Variants in AXIN2 observed in about 807,000 individuals in gnomAD.
AXIN2 encodes the protein axin-2.
AXIN2 carries 21 observed loss-of-function variants against 74.7 expected under a neutral mutation model. That is an observed-to-expected ratio of 0.28 (90% CI 0.20 to 0.40). The LOEUF is 0.40. AXIN2 is among the 10% of genes least tolerant of loss of function. The probability of loss-of-function intolerance (pLI) is 1.00; values close to 1 mark genes in which losing one functional copy is unlikely to be tolerated. For synonymous variants in AXIN2, 532 were observed against 454.9 expected, an observed-to-expected ratio of 1.17 and a Z score of -2.16; for missense variants, 1,144 against 1,111.1, an observed-to-expected ratio of 1.03 and a Z score of -0.42.
At chr17:65,547,425 G>A (rs865948636) in intron 3 of AXIN2, among the ~76,000 whole-genome samples, 4 of 152,208 alleles carry the variant, frequency 2.6e-5, no homozygotes, top group Admixed American at 6.5e-5. Flanking sequence ...GTGCATGGCT[G>A]TGGAAGCACC....
chr17:65,557,774 C>T, intron 2 of AXIN2, 32 bp downstream of exon 2: 1 of 1,607,214 alleles, frequency 6.2e-7, no homozygotes, highest in Non-Finnish European at 8.5e-7. Context: ...AAGTCCACAG[C>T]ATCAGCCCAC....
chr17:65,558,057 C>G lies in AXIN2; in HGVS notation c.564G>C (p.Gln188His), dbSNP rs753137017. Residue 188 changes from glutamine to histidine, a missense_variant, in exon 2 of 11, where the codon CAG becomes CAC. Coordinates refer to ENST00000307078, the MANE Select transcript of AXIN2 (RefSeq NM_004655.4). Reference sequence around the variant, plus strand: ...GGTATATATCAGAAGTCAAAAACATCTGGTAGGCATTTTCCTCCATCACCG... The same window carrying G: ...GGTATATATCAGAAGTCAAAAACATGTGGTAGGCATTTTCCTCCATCACCG... The part of the protein sequence containing the change: ...IQSVMEENAY[Q>H]MFLTSDIYLE... The G allele has an allele frequency of 4.3e-6, 7 of 1,614,026 alleles. No individual in the cohort carries two copies. Among genetic ancestry groups the G allele is most frequent in the Admixed American group, 3.3e-5 (2 of 60,006 alleles).
Position 65,529,840 on chromosome 17 carries a change from G to A in AXIN2, c.*136C>T. ...CCCCCCGCCCTCCCGAAGGCCCACTGGCCGATTCTTCCTTAGACTTTGTCT... is the reference window on the plus strand; with the variant it reads ...CCCCCCGCCCTCCCGAAGGCCCACTAGCCGATTCTTCCTTAGACTTTGTCT... On this transcript the variant is annotated 3_prime_UTR_variant, in exon 11 of 11. Transcript: ENST00000307078. 6.7e-7 allele frequency: 1 copy of A among 1,490,312 alleles called. No individual in the cohort carries two copies. Among genetic ancestry groups the A allele is most frequent in the Non-Finnish European group, 9.2e-7 (1 of 1,088,968 alleles). The allele number at this position is 1,490,312 out of a possible 1,614,324, so 92.3% of individuals were successfully genotyped here. A position where few individuals can be genotyped will look rare whatever the true frequency, so the allele number is the denominator to read the frequency against.
In AXIN2 at chr17:65,538,159, T is replaced by C. The variant is rs1223763766; in HGVS notation, c.1200+44A>G. The C allele has an allele frequency of 1.9e-6, 3 of 1,613,640 alleles. No homozygotes were observed. The East Asian group carries it at 6.7e-5, about 36-fold the overall frequency. On this transcript the variant is annotated intron_variant, in intron 5 of 10. Transcript: ENST00000307078. The stretch of plus-strand genomic sequence containing the variant: ...CACATGCGCATACACATACGAGCGC[T>C]CACGCCGTGGACGGAAGCAGGAAGA...
intron 9 of AXIN2, 130 bp from the exon 10 acceptor site, chr17:65,534,209 A>G: frequency 8.5e-7 from 1 of 1,171,272 alleles, no homozygotes; most frequent in Non-Finnish European, 1.3e-6. Context: ...TGTAAACCCA[A>G]AGTGGGGGCT....
chr17:65,561,178 G>A (rs1378230583), intron 1 of AXIN2: 1 of 149,864 alleles, frequency 6.7e-6, no homozygotes, highest in African/African-American at 2.4e-5. Context: ...CAAAAACTGC[G>A]CTGTGGATTT....
intron 1 of AXIN2, chr17:65,560,550 ATCTGCCCCCTC>A (rs974642871): frequency 2.0e-5 from 3 of 152,086 alleles, no homozygotes; most frequent in Non-Finnish European, 4.4e-5. Context: ...CCCGGGGGGT[ATCTGCCCCCTC>A]TCCGCCCCCG....
chr17:65,557,949 A>G lies in AXIN2; in HGVS notation c.672T>C (p.Tyr224=), dbSNP rs375671211. 7 of 1,614,070 alleles carry G rather than the reference A, an allele frequency of 4.3e-6. No homozygotes were observed. The highest frequency in any genetic ancestry group is 4.0e-5 in the African/African-American group (3 of 74,918). Residue 224 remains tyrosine (Y), a synonymous_variant, in exon 2 of 11, where the codon TAT becomes TAC. Coordinates refer to ENST00000307078, the MANE Select transcript of AXIN2 (RefSeq NM_004655.4). ...GLGSLKVVCG[Y]LPTLNEEEEW... is the part of the protein sequence containing the mutation. The stretch of plus-strand genomic sequence containing the variant: ...CCTCTTCTTCATTCAAGGTGGGGAG[A>G]TAGCCACACACGACCTTTAGGCTCC...
chr17:65,549,370 C>CT lies in AXIN2; in HGVS notation c.956+149dup, dbSNP rs1287720260. 50 of 952,192 alleles carry CT rather than the reference C, an allele frequency of 5.3e-5. No homozygotes were observed. In the African/African-American group the frequency reaches 7.1e-4, roughly 14 times the overall value. The allele number at this position is 952,192 out of a possible 1,614,324, so 59.0% of individuals were successfully genotyped here. ...CATCCTCCTTAATCAGCACCATACC[C>CT]TTGTCATACTCCCCTCCCACCAAAC... On this transcript the variant is annotated intron_variant, in intron 3 of 10. Transcript: ENST00000307078.
rs190435999 is a variant in AXIN2, at chr17:65,533,709, C to T, written c.2405+203G>A. Among the ~76,000 whole-genome samples the T allele has an allele frequency of 5.3e-5, 8 of 152,340 alleles. No individual in the cohort carries two copies. The East Asian group carries it at 1.5e-3, about 29-fold the overall frequency. ...TCCCCCAGAGAACCCTCCACGCAGC[C>T]TCCCTCTTGCGGCTGCTGCTTCGTT... On this transcript the variant is annotated intron_variant, in intron 10 of 10. Coordinates refer to ENST00000307078, the MANE Select transcript of AXIN2 (RefSeq NM_004655.4).
At chr17:65,534,180 C>G in intron 9 of AXIN2, 101 bp from the exon 10 acceptor site, 3 of 1,421,658 alleles carry the variant, frequency 2.1e-6, no homozygotes, top group Non-Finnish European at 3.0e-6. Context: ...ACAGGGTATC[C>G]AAACACTAGG....
Position 65,538,336 on chromosome 17 carries a change from T to C in AXIN2, c.1067A>G (p.His356Arg). The C allele has an allele frequency of 6.2e-7, 1 of 1,613,376 alleles. No homozygotes were observed. The highest frequency in any genetic ancestry group is 8.5e-7 in the Non-Finnish European group (1 of 1,179,828). Residue 356 changes from histidine (H) to arginine (R), a missense_variant, in exon 5 of 11, where the codon CAC (histidine) becomes CGC (arginine). His to Arg is a conservative substitution (Grantham distance 29). This residue lies in a region of AXIN2 where 1,053 missense variants were observed against 973.5 expected (regional missense o/e 1.08). Transcript: ENST00000307078. ...QVSLPHFPRT[H>R]RLPKEMTPVE... is the part of the protein sequence containing the mutation. ...GGGGGTCATCTCCTTGGGCAGGCGG[T>C]GGGTTCTCTACAGGACGTGGAAAGG... is the stretch of plus-strand genomic sequence containing the variant.
intron 2 of AXIN2, among the ~76,000 whole-genome samples, chr17:65,552,030 C>T (rs115125088): frequency 5.0e-5 from 2 of 39,772 alleles, no homozygotes; most frequent in Non-Finnish European, 1.0e-4. Flanking sequence ...AGTCTCACGA[C>T]CTCCTGGGAT....
At chr17:65,555,277 A>T (rs1282390512) in intron 2 of AXIN2, among the ~76,000 whole-genome samples, 1 of 152,110 alleles carries the variant, frequency 6.6e-6, no homozygotes, top group Non-Finnish European at 1.5e-5. Context: ...CATTCATTTT[A>T]CTAACTTATT....
At position 65,535,618 on chromosome 17, in the gene AXIN2, A is replaced by T. The variant is rs2043897911; in HGVS notation, c.2237+8T>A. 3 of 1,613,064 alleles carry T rather than the reference A, an allele frequency of 1.9e-6. No homozygotes were observed. Among genetic ancestry groups the T allele is most frequent in the African/African-American group, 1.3e-5 (1 of 75,032 alleles). On this transcript the variant is annotated splice_region_variant and intron_variant, in intron 9 of 10. Transcript: ENST00000307078. ...CAGATCTCAGTAATGTCAGGTAAAG[A>T]CACTCACTCTTCTGGAGCCAGGCTT... is the stretch of plus-strand genomic sequence containing the variant.
rs1555583449 is a variant in AXIN2 at position 65,558,156 on chromosome 17, G to A, written c.465C>T (p.Thr155=). Residue 155 remains threonine, a synonymous_variant, in exon 2 of 11, where the codon ACC becomes ACT. Transcript: ENST00000307078. ...GCTTCTTGATGCCATCTCTTATGTAGGTCTTGGTGGCAGGCTTCAGCTGCT... is the reference window on the plus strand; with the variant it reads ...GCTTCTTGATGCCATCTCTTATGTAAGTCTTGGTGGCAGGCTTCAGCTGCT... The part of the protein sequence containing the change: ...VSKQLKPATK[T]YIRDGIKKQQ... 1 of 1,614,138 alleles carries A rather than the reference G, an allele frequency of 6.2e-7. No individual in the cohort carries two copies. Among genetic ancestry groups the A allele is most frequent in the Non-Finnish European group, 8.5e-7 (1 of 1,180,038 alleles).
At chr17:65,549,700 C>T (rs1283313728) in intron 2 of AXIN2, 40 bp from the exon 3 acceptor site, 2 of 1,570,596 alleles carry the variant, frequency 1.3e-6, no homozygotes, top group African/African-American at 1.3e-5. Context: ...CACTGACCCT[C>T]ACCAGAAACC....
chr17:65,534,408 C>T (rs547302148), intron 9 of AXIN2, among the ~76,000 whole-genome samples: 2 of 152,314 alleles, frequency 1.3e-5, no homozygotes, highest in African/African-American at 4.8e-5. Flanking sequence ...TGGGGTGCTT[C>T]CTCAAGAAGA....
intron 8 of AXIN2, 87 bp from the exon 9 acceptor site, chr17:65,535,808 C>G (rs1445971737): frequency 8.0e-7 from 1 of 1,256,618 alleles, no homozygotes; most frequent in Non-Finnish European, 1.1e-6. Context: ...ACTATTTGGC[C>G]TCCTGAAGAG....
Sources: allele counts gnomAD v4.1 joint callset (sites outside exome capture counted in the v4.1 genomes callset), GRCh38; gene constraint gnomAD v4.1.1; regional missense constraint gnomAD v4.1.1; transcripts MANE v1.5; gene names NCBI Gene and HGNC (gene_info 2026-07-23, HGNC 2026-07-21).